Variants in RSPH3 observed in about 807,000 individuals in gnomAD.
RSPH3 encodes the protein radial spoke head protein 3 homolog.
Under a neutral mutation model 43.8 loss-of-function variants are expected in RSPH3, and 21 were observed. The observed-to-expected ratio is 0.48, with a 90% CI of 0.34 to 0.69. The LOEUF (loss-of-function observed/expected upper bound fraction) is 0.69, where lower values mean the gene tolerates loss of function less well. Ranked by LOEUF, RSPH3 falls within the 30% of genes least tolerant of loss-of-function variation. The pLI is 0.01. For synonymous variants in RSPH3, 173 were observed against 179.8 expected, an observed-to-expected ratio of 0.96 and a Z score of 0.30; for missense variants, 487 against 516.0, an observed-to-expected ratio of 0.94 and a Z score of 0.54.
chr6:158,971,366 C>G (rs1407190002), downstream of RSPH3, among the ~76,000 whole-genome samples: 1 of 152,172 alleles, frequency 6.6e-6, no homozygotes, highest in Non-Finnish European at 1.5e-5. Flanking sequence ...TTTGGCAATT[C>G]TGGCCTGCAT....
At chr6:158,980,994 C>T in intron 5 of RSPH3, 58 bp from the exon 6 acceptor site, 4 of 1,547,376 alleles carry the variant, frequency 2.6e-6, no homozygotes, top group Middle Eastern at 1.8e-4. Flanking sequence ...AGTGCTGAAT[C>T]TAGTGAAGTT....
Position 158,985,170 on chromosome 6 carries a change from C to T in RSPH3, c.346+1110G>A, listed in dbSNP as rs570139130. Among the ~76,000 whole-genome samples the T allele has an allele frequency of 3.9e-5, 6 of 152,304 alleles. No homozygotes were observed. In the East Asian group the frequency reaches 5.8e-4, roughly 15 times the overall value. On this transcript the variant is annotated intron_variant, in intron 3 of 7. Coordinates refer to ENST00000367069, the MANE Select transcript of RSPH3 (RefSeq NM_031924.8). ...ACAGCTGAGCAGAGCGAGACAAGTA[C>T]GCAAATCCTGGCACCTGTCTCAGGG... is the stretch of plus-strand genomic sequence containing the variant.
rs879822480 is a variant in RSPH3, at chr6:158,972,997, C to T, written c.*4541G>A. Reference sequence around the variant, plus strand: ...ATTAGCACTACTTTCACAATAGTGACACCCCACTTATAACACTCTTTTTTG... The same window carrying T: ...ATTAGCACTACTTTCACAATAGTGATACCCCACTTATAACACTCTTTTTTG... On this transcript the variant is annotated 3_prime_UTR_variant, in exon 8 of 8. Transcript: ENST00000367069. 1 of 152,182 alleles carries T rather than the reference C, an allele frequency of 6.6e-6. No homozygotes were observed. The highest frequency in any genetic ancestry group is 1.5e-5 in the Non-Finnish European group (1 of 68,036). The allele number at this position is 152,182 out of a possible 1,614,324, so 9.4% of individuals were successfully genotyped here. A position where few individuals can be genotyped will look rare whatever the true frequency, so the allele number is the denominator to read the frequency against.
chr6:158,965,453 C>T, the RSPH3 span, among the ~76,000 whole-genome samples: 2 of 152,020 alleles, frequency 1.3e-5, no homozygotes, highest in Non-Finnish European at 2.9e-5. Flanking sequence ...TCTTTAATTT[C>T]CTTCATGAGT....
chr6:158,979,440 G>C (rs977670966), intron 6 of RSPH3, among the ~76,000 whole-genome samples: 1 of 152,154 alleles, frequency 6.6e-6, no homozygotes, highest in Non-Finnish European at 1.5e-5. Context: ...ACAGCAGGAT[G>C]ATAGCCGAGA....
Position 158,983,646 on chromosome 6 carries a change from A to G in RSPH3, c.492+16T>C, listed in dbSNP as rs762376584. On this transcript the variant is annotated intron_variant, in intron 4 of 7. Transcript: ENST00000367069. Reference sequence around the variant, plus strand: ...TTATAAAGATTATAGAGGGAAGCCCAAAGGATGTACTGTACCTCTCCTTCT... The same window carrying G: ...TTATAAAGATTATAGAGGGAAGCCCGAAGGATGTACTGTACCTCTCCTTCT... 8 of 1,604,134 alleles carry G rather than the reference A, an allele frequency of 5.0e-6. No homozygotes were observed. In the South Asian group the frequency reaches 7.7e-5, roughly 15 times the overall value.
rs746470791 is a variant in RSPH3 at position 158,977,647 on chromosome 6, T to C, written c.1148A>G (p.Tyr383Cys). Residue 383 changes from tyrosine to cysteine, a missense_variant, in exon 8 of 8, where the codon TAT (tyrosine) becomes TGT (cysteine). By Grantham distance (194) the Tyr-to-Cys change is radical (BLOSUM62 -2). Transcript: ENST00000367069. ...LDGGYLQRTTYDRRSSQERKF... is the reference protein window; with the variant it reads ...LDGGYLQRTTCDRRSSQERKF... ...CCTTTCCTGGGATGACCTTCTGTCATATGTTGTTCTTTGTAGGTAGCCTCC... is the reference window on the plus strand; with the variant it reads ...CCTTTCCTGGGATGACCTTCTGTCACATGTTGTTCTTTGTAGGTAGCCTCC... The C allele has an allele frequency of 6.2e-7, 1 of 1,614,164 alleles. No homozygotes were observed. Among genetic ancestry groups the C allele is most frequent in the South Asian group, 1.1e-5 (1 of 91,088 alleles).
At chr6:158,991,016 GTTTA>G (rs1583720084) in intron 2 of RSPH3, among the ~76,000 whole-genome samples, 1 of 151,844 alleles carries the variant, frequency 6.6e-6, no homozygotes, top group Admixed American at 6.6e-5. Flanking sequence ...CATCCAGTGA[GTTTA>G]TTTTAGTTAT....
chr6:158,991,372 A>G (rs1259841122), intron 2 of RSPH3, among the ~76,000 whole-genome samples: 1 of 152,154 alleles, frequency 6.6e-6, no homozygotes, highest in African/African-American at 2.4e-5. Context: ...TTTAGTGCAC[A>G]AGCCTGAGTG....
chr6:158,998,785 GA>G (rs1554291498), intron 1 of RSPH3, among the ~76,000 whole-genome samples: 1 of 151,008 alleles, frequency 6.6e-6, no homozygotes, highest in Non-Finnish European at 1.5e-5. Context: ...GATCGGGGAG[GA>G]GTGGGGGAGG....
At chr6:158,969,288 T>C (rs780976834), downstream of RSPH3, among the ~76,000 whole-genome samples, 1 of 152,222 alleles carries the variant, frequency 6.6e-6, no homozygotes, top group Non-Finnish European at 1.5e-5. Context: ...GGATACAGAA[T>C]TCTTGAATGG....
At chr6:158,964,839 C>A in the RSPH3 span, among the ~76,000 whole-genome samples, 1 of 152,218 alleles carries the variant, frequency 6.6e-6, no homozygotes, top group Middle Eastern at 3.4e-3. Context: ...TTTATCTTTT[C>A]TTCTTTCACC....
chr6:158,994,200 G>A (rs1361041244), intron 1 of RSPH3, among the ~76,000 whole-genome samples: 1 of 152,092 alleles, frequency 6.6e-6, no homozygotes, highest in African/African-American at 2.4e-5. Context: ...ACAGACTCAG[G>A]AATCTGCCAA....
intron 2 of RSPH3, among the ~76,000 whole-genome samples, chr6:158,993,291 T>TA (rs1406465363): frequency 8.5e-5 from 13 of 152,150 alleles, no homozygotes; most frequent in Non-Finnish European, 1.9e-4. Flanking sequence ...CTAATTTTTG[T>TA]ACTTTTAGTA....
intron 5 of RSPH3, 100 bp from the exon 6 acceptor site, chr6:158,981,036 A>T (rs1778017340): frequency 2.6e-6 from 3 of 1,155,474 alleles, no homozygotes; most frequent in South Asian, 3.3e-5. Flanking sequence ...TTATCAAAAA[A>T]TGGACAGCGA....
chr6:158,972,843 T>G (rs934088515), downstream of RSPH3: 1 of 152,242 alleles, frequency 6.6e-6, no homozygotes, highest in Non-Finnish European at 1.5e-5. Flanking sequence ...GTTATGTTAT[T>G]CTCTTGTTTA....
rs1267000264 is a variant in RSPH3 at position 158,982,613 on chromosome 6, C to T, written c.568G>A (p.Glu190Lys). 4.3e-6 allele frequency: 7 copies of T among 1,613,550 alleles called. No individual in the cohort carries two copies. Residue 190 changes from glutamate to lysine, a missense_variant, in exon 5 of 8, where the codon GAA becomes AAA. Glu to Lys is a moderately conservative substitution (Grantham distance 56). Transcript: ENST00000367069. ...VGKTIEQSLL[E>K]VMEEEELANL... ...GCCAGCTCTTCTTCTTCCATTACTT[C>T]CAGAAGAGACTGCTCAATTGTCTTC...
At chr6:158,966,006 T>C in the RSPH3 span, among the ~76,000 whole-genome samples, 1 of 152,168 alleles carries the variant, frequency 6.6e-6, no homozygotes, top group South Asian at 2.1e-4. Flanking sequence ...TCTATTGAGA[T>C]GATCATGTGG....
In RSPH3 at chr6:158,977,599, A is replaced by G. The variant is rs750807283; in HGVS notation, c.1196T>C (p.Leu399Pro). Reference protein sequence around the residue: ...QERKFMEERELLGQDEETAMR... With the variant: ...QERKFMEEREPLGQDEETAMR... The stretch of plus-strand genomic sequence containing the variant: ...TGCTGTTTCTTCATCTTGCCCTAAG[A>G]GTTCTCTCTCTTCCATAAACTTCCT... Residue 399 changes from leucine to proline, a missense_variant, in exon 8 of 8, where the codon CTC (leucine) becomes CCC (proline). By Grantham distance (98) the Leu-to-Pro change is moderately conservative (BLOSUM62 -3). Coordinates refer to ENST00000367069, the MANE Select transcript of RSPH3 (RefSeq NM_031924.8). 2 of 1,613,880 alleles carry G rather than the reference A, an allele frequency of 1.2e-6. No homozygotes were observed. Among genetic ancestry groups the G allele is most frequent in the Non-Finnish European group, 8.5e-7 (1 of 1,179,986 alleles).
Sources: gnomAD v4.1 joint callset for allele counts (sites outside exome capture counted in the v4.1 genomes callset) on GRCh38, gnomAD v4.1.1 for gene constraint, MANE v1.5 for transcripts, NCBI Gene and HGNC (gene_info 2026-07-23, HGNC 2026-07-21) for gene names.